Variants in SH2B1 observed in about 807,000 individuals in gnomAD.
SH2B1 encodes the protein SH2B adapter protein 1.
Under a neutral mutation model 62.6 loss-of-function variants are expected in SH2B1, and 15 were observed. That is an observed-to-expected ratio of 0.24 (90% CI 0.16 to 0.37). The LOEUF is 0.37. SH2B1 is among the 10% of genes least tolerant of loss of function. SH2B1 has a pLI of 1.00. For synonymous variants in SH2B1, 443 were observed against 438.0 expected (o/e 1.01, Z -0.14); for missense variants, 925 against 1,015.6 (o/e 0.91, Z 1.21).
intron 1 of SH2B1, 52 bp downstream of exon 1, chr16:28,867,085 A>C: frequency 6.3e-7 from 1 of 1,596,494 alleles, no homozygotes; most frequent in Non-Finnish European, 8.5e-7. Flanking sequence ...GAGTGCTCAG[A>C]GTGGTCACAG....
chr16:28,849,466 T>C (rs1043366849), intron 1 of SH2B1, among the ~76,000 whole-genome samples: 1 of 152,306 alleles, frequency 6.6e-6, no homozygotes, highest in Admixed American at 6.5e-5. Flanking sequence ...TAAGACACTA[T>C]TGGCCACTAG....
Position 28,865,999 on chromosome 16 carries a change from C to A in SH2B1, c.-96C>A. 1 of 1,499,112 alleles carries A rather than the reference C, an allele frequency of 6.7e-7. No individual in the cohort carries two copies. Among genetic ancestry groups the A allele is most frequent in the Non-Finnish European group, 8.8e-7 (1 of 1,133,390 alleles). The allele number at this position is 1,499,112 out of a possible 1,614,324, so 92.9% of individuals were successfully genotyped here. ...CAGTGACCCTCGTGTGTGCCTCTCT[C>A]TTCCTTTCGCAGCTGCTGCCGCCCA... is the stretch of plus-strand genomic sequence containing the variant. On this transcript the variant is annotated 5_prime_UTR_variant, in exon 1 of 8. Coordinates refer to ENST00000684370, the MANE Select transcript of SH2B1 (RefSeq NM_001387430.1).
In SH2B1 at chr16:28,873,269, T is replaced by G; in HGVS notation, c.1898-178T>G. The stretch of plus-strand genomic sequence containing the variant: ...ATGCCCTTCGGAGCGAGTGACTGTG[T>G]GTAAGTGTGGTCCTCCTCTCACCAC... On this transcript the variant is annotated intron_variant, in intron 7 of 7. Coordinates refer to ENST00000684370, the MANE Select transcript of SH2B1 (RefSeq NM_001387430.1). The surrounding 1 kb of genome is among the most constrained non-coding windows in gnomAD (Gnocchi z 4.2). 6.2e-7 allele frequency: 1 copy of G among 1,607,032 alleles called. No homozygotes were observed. The highest frequency in any genetic ancestry group is 1.1e-5 in the South Asian group (1 of 90,248).
upstream of SH2B1, chr16:28,863,379 C>A: frequency 2.9e-6 from 1 of 344,922 alleles, no homozygotes. Context: ...GCAGGGCCTC[C>A]CCAAGGTCAC....
In SH2B1 at chr16:28,872,228, G is replaced by A; in HGVS notation, c.1552G>A (p.Gly518Arg). ...LFQGEPEGGE[G>R]DQPLSGYPWF... ...CCAGGGGGAGCCAGAGGGCGGTGAG[G>A]GGGACCAGCCCCTCTCAGGGTATCC... Residue 518 changes from glycine to arginine, a missense_variant, in exon 6 of 8, where the codon GGG (glycine) becomes AGG (arginine). Gly to Arg is a moderately radical substitution (Grantham distance 125, BLOSUM62 -2). This residue lies in a region of SH2B1 where 683 missense variants were observed against 704.0 expected (regional missense o/e 0.97). Coordinates refer to ENST00000684370, the MANE Select transcript of SH2B1 (RefSeq NM_001387430.1). The surrounding 1 kb of genome is among the most constrained non-coding windows in gnomAD (Gnocchi z 5.3). The A allele has an allele frequency of 6.2e-7, 1 of 1,613,816 alleles. No homozygotes were observed.
rs1567465234 is a variant in SH2B1 at position 28,864,212 on chromosome 16, C to G, written c.-1883C>G. 4 of 1,033,360 alleles carry G rather than the reference C, an allele frequency of 3.9e-6. No individual in the cohort carries two copies. Among genetic ancestry groups the G allele is most frequent in the Non-Finnish European group, 4.7e-6 (4 of 859,292 alleles). 64.0% of individuals were successfully genotyped at this position (1,033,360 alleles called of 1,614,324 possible). A position where few individuals can be genotyped will look rare whatever the true frequency, so the allele number is the denominator to read the frequency against. ...GGAGGGTCCGAGCCGAGAGCGGAGC[C>G]TGCACCCTCCACCTCCCGCCCTTCG... On this transcript the variant is annotated 5_prime_UTR_variant, in exon 1 of 8. Transcript: ENST00000684370.
Position 28,852,533 on chromosome 16 carries a change from C to CAT in SH2B1, c.-301+5711_-301+5712dup, listed in dbSNP as rs1203809181. 1.5e-4 allele frequency among the ~76,000 whole-genome samples: 2 copies of CAT among 13,216 alleles called. 1 individual carries two copies. Among genetic ancestry groups the CAT allele is most frequent in the African/African-American group, 1.5e-3 (2 of 1,292 alleles). The allele number at this position is 13,216 out of a possible 152,430, so 8.7% of individuals were successfully genotyped here. On this transcript the variant is annotated intron_variant, in intron 1 of 10. Transcript: ENST00000322610. ...ATACACATATATTTATATATATACA[C>CAT]ATATATTTATATATATACACATATT...
At position 28,866,024 on chromosome 16, in the gene SH2B1, A is replaced by C. The variant is rs574691284; in HGVS notation, c.-71A>C. The C allele has an allele frequency of 1.3e-5, 20 of 1,498,808 alleles. No homozygotes were observed. In the Admixed American group the frequency reaches 4.1e-4, roughly 30 times the overall value. The allele number at this position is 1,498,808 out of a possible 1,614,324, so 92.8% of individuals were successfully genotyped here. The stretch of plus-strand genomic sequence containing the variant: ...CTTCCTTTCGCAGCTGCTGCCGCCC[A>C]CCCCTCGTCTTCTGGCTGCCTCCCT... On this transcript the variant is annotated 5_prime_UTR_variant, in exon 1 of 8. Coordinates refer to ENST00000684370, the MANE Select transcript of SH2B1 (RefSeq NM_001387430.1). This position sits in a 1 kb window ranked among gnomAD's most constrained non-coding sequence, Gnocchi z 6.3.
chr16:28,861,945 A>C (rs1251145694), upstream of SH2B1, among the ~76,000 whole-genome samples: 2 of 152,240 alleles, frequency 1.3e-5, no homozygotes, highest in African/African-American at 2.4e-5. Flanking sequence ...TTTGCCACTA[A>C]GAGAGGAGAG....
chr16:28,863,340 A>C, upstream of SH2B1: 1 of 232,652 alleles, frequency 4.3e-6, no homozygotes, highest in South Asian at 6.6e-5. Flanking sequence ...CAGATAAACC[A>C]AGGTCGTAAG....
At chr16:28,863,527 G>C (rs1962522279), upstream of SH2B1, 1 of 705,866 alleles carries the variant, frequency 1.4e-6, no homozygotes, top group South Asian at 2.0e-5. Context: ...GGCTACTCTA[G>C]CCCTCAGCCG....
chr16:28,847,989 C>T (rs952368611), intron 1 of SH2B1, among the ~76,000 whole-genome samples: 1 of 151,836 alleles, frequency 6.6e-6, no homozygotes, highest in East Asian at 2.0e-4. Flanking sequence ...CCACGCCTGG[C>T]TAATTTTAGT....
chr16:28,857,418 G>C (rs992920825), intron 1 of SH2B1, among the ~76,000 whole-genome samples: 1 of 151,656 alleles, frequency 6.6e-6, no homozygotes, highest in Non-Finnish European at 1.5e-5. Flanking sequence ...GGGCGGGGGG[G>C]TGAAAGGGCA....
intron 2 of SH2B1, among the ~76,000 whole-genome samples, chr16:28,868,376 G>A (rs943348822): frequency 1.3e-5 from 2 of 151,680 alleles, no homozygotes; most frequent in African/African-American, 4.9e-5. Context: ...TCCTGACCTC[G>A]TGATTTGCCC....
At chr16:28,863,614 G>A (rs944288206), upstream of SH2B1, 7 of 1,442,270 alleles carry the variant, frequency 4.9e-6, no homozygotes, top group African/African-American at 4.2e-5. Flanking sequence ...CCTCCGGGAG[G>A]ACGCTCTGGT....
intron 1 of SH2B1, among the ~76,000 whole-genome samples, chr16:28,855,602 A>G (rs1398239459): frequency 6.6e-6 from 1 of 150,584 alleles, no homozygotes; most frequent in Non-Finnish European, 1.5e-5. Flanking sequence ...TTTTCTTCCC[A>G]TCTCACCAGC....
chr16:28,864,074 C>T lies in SH2B1; in HGVS notation c.-2021C>T. 3 of 1,337,566 alleles carry T rather than the reference C, an allele frequency of 2.2e-6. No homozygotes were observed. Among genetic ancestry groups the T allele is most frequent in the South Asian group, 1.5e-5 (1 of 65,036 alleles). The allele number at this position is 1,337,566 out of a possible 1,614,324, so 82.9% of individuals were successfully genotyped here. ...CGGGGGCTGGAGAGGCACTCGGCCC[C>T]GGAGAGTGCAGCAGACAGGGCTGGT... On this transcript the variant is annotated 5_prime_UTR_variant, in exon 1 of 8. Coordinates refer to ENST00000684370, the MANE Select transcript of SH2B1 (RefSeq NM_001387430.1).
chr16:28,864,214 G>T lies in SH2B1; in HGVS notation c.-1881G>T, dbSNP rs1399395838. 9.7e-7 allele frequency: 1 copy of T among 1,034,856 alleles called. No individual in the cohort carries two copies. The highest frequency in any genetic ancestry group is 1.2e-6 in the Non-Finnish European group (1 of 860,136). 64.1% of individuals were successfully genotyped at this position (1,034,856 alleles called of 1,614,324 possible). ...AGGGTCCGAGCCGAGAGCGGAGCCT[G>T]CACCCTCCACCTCCCGCCCTTCGGG... On this transcript the variant is annotated 5_prime_UTR_variant, in exon 1 of 8. Coordinates refer to ENST00000684370, the MANE Select transcript of SH2B1 (RefSeq NM_001387430.1).
At chr16:28,852,962 C>CATATATATTTTATATATGT (rs746298122) in intron 1 of SH2B1, among the ~76,000 whole-genome samples, 4 of 40,522 alleles carry the variant, frequency 9.9e-5, no homozygotes, top group Non-Finnish European at 2.0e-4. Context: ...TATATATGTA[C>CATATATATTTTATATATGT]ATATATATGT....
Sources: allele counts gnomAD v4.1 joint callset (sites outside exome capture counted in the v4.1 genomes callset), GRCh38; gene constraint gnomAD v4.1.1; regional missense constraint gnomAD v4.1.1; non-coding constraint Gnocchi (gnomAD v3.1); transcripts MANE v1.5; gene names NCBI Gene and HGNC (gene_info 2026-07-23, HGNC 2026-07-21).